ZNF461: variants seen among roughly 807,000 people sequenced by gnomAD.
ZNF461 encodes the protein zinc finger protein 461.
A neutral mutation model predicts 18.3 loss-of-function variants in ZNF461; 16 were observed. That is an observed-to-expected ratio of 0.88 (90% CI 0.59 to 1.33). The LOEUF (loss-of-function observed/expected upper bound fraction) is 1.33, where lower values mean the gene tolerates loss of function less well. Ranked by LOEUF, ZNF461 falls within the 40% of genes most tolerant of loss-of-function variation. The probability of loss-of-function intolerance (pLI) is 0.00; values close to 1 mark genes in which losing one functional copy is unlikely to be tolerated. For synonymous variants in ZNF461, 179 were observed against 216.9 expected (o/e 0.83, Z 1.54); for missense variants, 595 against 669.9 (o/e 0.89, Z 1.23).
At chr19:36,664,646 A>G (rs2037873638) in intron 2 of ZNF461, 52 bp downstream of exon 2, 1 of 1,478,164 alleles carries the variant, frequency 6.8e-7, no homozygotes, top group African/African-American at 1.4e-5. Flanking sequence ...AACAAAAACA[A>G]ACAAACAAAA....
chr19:36,662,296 G>A (rs927665256), intron 2 of ZNF461, among the ~76,000 whole-genome samples: 2 of 150,376 alleles, frequency 1.3e-5, no homozygotes, highest in Admixed American at 1.3e-4. Context: ...CTGCTTTGTC[G>A]CCAGGCTGGA....
chr19:36,643,106 ATACT>A lies in ZNF461; in HGVS notation c.301+684_301+687del, dbSNP rs530643681. 4.0e-3 allele frequency among the ~76,000 whole-genome samples: 603 copies of A among 152,248 alleles called. 1 individual carries two copies. Among genetic ancestry groups the A allele is most frequent in the Middle Eastern group, 0.01 (3 of 294 alleles). On this transcript the variant is annotated intron_variant, in intron 5 of 5. Coordinates refer to ENST00000588268, the MANE Select transcript of ZNF461 (RefSeq NM_153257.5). ...TACAACAACCACTACACTCATACAC[ATACT>A]TATTTATGTACAGATATAAACACAA...
chr19:36,641,517 GAAAC>G (rs899696407), intron 5 of ZNF461, among the ~76,000 whole-genome samples: 17 of 150,132 alleles, frequency 1.1e-4, no homozygotes, highest in Admixed American at 4.7e-4. Flanking sequence ...GACTGTCTCA[GAAAC>G]AAACAAACAA....
chr19:36,664,740 C>G lies in ZNF461; in HGVS notation c.-34G>C. The stretch of plus-strand genomic sequence containing the variant: ...TTAGAATTGAATGTATTATTTAATC[C>G]TCTTCTTCGTTCCCTCTGGAAGAAA... On this transcript the variant is annotated 5_prime_UTR_variant, in exon 2 of 6. Coordinates refer to ENST00000588268, the MANE Select transcript of ZNF461 (RefSeq NM_153257.5). The G allele has an allele frequency of 1.4e-6, 2 of 1,453,228 alleles. No individual in the cohort carries two copies. Among genetic ancestry groups the G allele is most frequent in the Non-Finnish European group, 1.8e-6 (2 of 1,102,266 alleles). The allele number at this position is 1,453,228 out of a possible 1,614,324, so 90.0% of individuals were successfully genotyped here.
intron 4 of ZNF461, among the ~76,000 whole-genome samples, chr19:36,651,101 G>A (rs2037617318): frequency 6.6e-6 from 1 of 151,842 alleles, no homozygotes; most frequent in Non-Finnish European, 1.5e-5. Flanking sequence ...CATGGTGGCA[G>A]ACGCCTGTAG....
At chr19:36,644,585 TTTTG>T (rs1490579994) in intron 4 of ZNF461, among the ~76,000 whole-genome samples, 1 of 150,170 alleles carries the variant, frequency 6.7e-6, no homozygotes, top group Non-Finnish European at 1.5e-5. Context: ...TTGTGTTTTT[TTTTG>T]TTTTGTTTTG....
chr19:36,662,674 A>G (rs1453236242), intron 2 of ZNF461, among the ~76,000 whole-genome samples: 1 of 152,212 alleles, frequency 6.6e-6, no homozygotes, highest in Non-Finnish European at 1.5e-5. Flanking sequence ...ACTTATTAAG[A>G]CATAATTTAT....
chr19:36,639,442 A>G lies in ZNF461; in HGVS notation c.903T>C (p.Tyr301=), dbSNP rs111599753. 5.6e-5 allele frequency: 90 copies of G among 1,614,072 alleles called. 1 individual carries two copies. The African/African-American group carries it at 7.1e-4, about 13-fold the overall frequency. The part of the protein sequence containing the change: ...HQRIHTGEKP[Y]ECKECGKAFR... The stretch of plus-strand genomic sequence containing the variant: ...AGGCCTTCCCACATTCTTTACATTC[A>G]TAAGGTTTCTCACCAGTGTGAATTC... Residue 301 remains tyrosine, a synonymous_variant, in exon 6 of 6, where the codon TAT becomes TAC. Coordinates refer to ENST00000588268, the MANE Select transcript of ZNF461 (RefSeq NM_153257.5).
chr19:36,639,504 C>G lies in ZNF461; in HGVS notation c.841G>C (p.Ala281Pro). ...KRYECNECGK[A>P]FNYGSELTLH... ...GTAAGTTCTGAGCCATAATTAAAGG[C>G]CTTCCCACATTCGTTACATTCATAG... The change falls in exon 6 of 6, where the codon GCC becomes CCC. Residue 281 changes from alanine (A) to proline (P), a missense_variant. Coordinates refer to ENST00000588268, the MANE Select transcript of ZNF461 (RefSeq NM_153257.5). The G allele has an allele frequency of 1.2e-6, 2 of 1,613,710 alleles. No individual in the cohort carries two copies. Among genetic ancestry groups the G allele is most frequent in the African/African-American group, 1.3e-5 (1 of 75,042 alleles).
Position 36,638,518 on chromosome 19 carries a change from T to G in ZNF461, c.*135A>C. On this transcript the variant is annotated 3_prime_UTR_variant, in exon 6 of 6. Transcript: ENST00000588268. ...TAAAATGAGACCAAAATTTACACTT[T>G]AGTTATCCACTTTCTCACTTAAAAA... The G allele has an allele frequency of 1.5e-6, 1 of 678,054 alleles. No homozygotes were observed. Among genetic ancestry groups the G allele is most frequent in the Non-Finnish European group, 2.3e-6 (1 of 431,158 alleles). 42.0% of individuals were successfully genotyped at this position (678,054 alleles called of 1,614,324 possible). A position where few individuals can be genotyped will look rare whatever the true frequency, so the allele number is the denominator to read the frequency against.
intron 1 of ZNF461, among the ~76,000 whole-genome samples, chr19:36,665,704 G>A (rs1434303841): frequency 2.6e-5 from 2 of 76,350 alleles, no homozygotes; most frequent in Non-Finnish European, 4.5e-5. Context: ...GAGAAACTTC[G>A]TCTCAAAAAA....
intron 4 of ZNF461, among the ~76,000 whole-genome samples, chr19:36,645,722 C>G (rs866030399): frequency 3.0e-4 from 45 of 152,214 alleles, no homozygotes; most frequent in African/African-American, 1.0e-3. Flanking sequence ...AAACTAGAGT[C>G]ATAATATTCT....
chr19:36,644,561 G>A (rs2037488593), intron 4 of ZNF461, among the ~76,000 whole-genome samples: 2 of 150,970 alleles, frequency 1.3e-5, no homozygotes, highest in South Asian at 2.1e-4. Context: ...AAGCCACCAC[G>A]CCCAGCCAGT....
At position 36,658,359 on chromosome 19, in the gene ZNF461, C is replaced by A. The variant is rs760718991; in HGVS notation, c.76G>T (p.Ala26Ser). ...ACCTCCTTGTACAAATTCCTCTGCG[C>A]TGGGTTCAGGCATTCCCATTCCTCC... ...SQEEWECLNPAQRNLYKEVML... is the reference protein window; with the variant it reads ...SQEEWECLNPSQRNLYKEVML... Residue 26 changes from alanine to serine, a missense_variant, in exon 3 of 6, where the codon GCG (alanine) becomes TCG (serine). Ala to Ser is a moderately conservative substitution (Grantham distance 99, BLOSUM62 1). Coordinates refer to ENST00000588268, the MANE Select transcript of ZNF461 (RefSeq NM_153257.5). 1 of 1,611,648 alleles carries A rather than the reference C, an allele frequency of 6.2e-7. No homozygotes were observed. Among genetic ancestry groups the A allele is most frequent in the Admixed American group, 1.7e-5 (1 of 59,670 alleles).
chr19:36,658,124 A>C lies in ZNF461; in HGVS notation c.136+175T>G, dbSNP rs533031569. ...AACGTGTAAGGATGGGGAAAATGAA[A>C]ATGTACCTCCATTTAGCTGTGCTGG... On this transcript the variant is annotated intron_variant, in intron 3 of 5. Transcript: ENST00000588268. The C allele has an allele frequency of 4.7e-5, 29 of 614,616 alleles. No homozygotes were observed. The South Asian group carries it at 7.2e-4, about 15-fold the overall frequency. 38.1% of individuals were successfully genotyped at this position (614,616 alleles called of 1,614,324 possible). A position where few individuals can be genotyped will look rare whatever the true frequency, so the allele number is the denominator to read the frequency against.
intron 2 of ZNF461, among the ~76,000 whole-genome samples, chr19:36,659,280 T>G (rs951736107): frequency 1.3e-5 from 2 of 152,214 alleles, no homozygotes; most frequent in African/African-American, 4.8e-5. Flanking sequence ...TGATACCACA[T>G]GGAACAGAGC....
intron 4 of ZNF461, among the ~76,000 whole-genome samples, 200 bp downstream of exon 4, chr19:36,656,248 G>T (rs1027346714): frequency 6.6e-6 from 1 of 152,050 alleles, no homozygotes; most frequent in Non-Finnish European, 1.5e-5. Context: ...GCCTCCCAAA[G>T]TGCTGGGATT....
intron 4 of ZNF461, among the ~76,000 whole-genome samples, chr19:36,647,322 T>G (rs973790548): frequency 2.6e-5 from 4 of 152,154 alleles, no homozygotes; most frequent in Non-Finnish European, 5.9e-5. Flanking sequence ...GGCATATCAC[T>G]TGAGGTCAGT....
At chr19:36,643,910 A>G (rs1490506195) in intron 4 of ZNF461, 48 bp from the exon 5 acceptor site, 4 of 1,336,362 alleles carry the variant, frequency 3.0e-6, no homozygotes, top group Non-Finnish European at 4.0e-6. Context: ...ATAATATTTT[A>G]TTATACAATA....
Sources: gnomAD v4.1 joint callset for allele counts (sites outside exome capture counted in the v4.1 genomes callset) on GRCh38, gnomAD v4.1.1 for gene constraint, MANE v1.5 for transcripts, NCBI Gene and HGNC (gene_info 2026-07-23, HGNC 2026-07-21) for gene names.